Variants in PRCP observed in about 807,000 individuals in gnomAD.
PRCP encodes the protein prolylcarboxypeptidase.
A neutral mutation model predicts 54.2 loss-of-function variants in PRCP; 46 were observed. The observed-to-expected ratio is 0.85, with a 90% CI of 0.67 to 1.09. PRCP has a LOEUF of 1.09. PRCP is among the 50% of genes least tolerant of loss of function. The pLI, the probability that PRCP is intolerant of heterozygous loss-of-function variation, is 0.00. For synonymous variants in PRCP, 240 were observed against 212.2 expected, an observed-to-expected ratio of 1.13 and a Z score of -1.14; for missense variants, 613 against 596.8, an observed-to-expected ratio of 1.03 and a Z score of -0.28.
In PRCP at chr11:82,825,031, G is replaced by A. The variant is rs1284030158; in HGVS notation, c.1366C>T (p.His456Tyr). Residue 456 changes from histidine (H) to tyrosine (Y), a missense_variant, in exon 9 of 9, where the codon CAC becomes TAC. Physicochemically the swap from His to Tyr is moderately conservative, Grantham distance 83. Coordinates refer to ENST00000313010, the MANE Select transcript of PRCP (RefSeq NM_005040.4). ...VAVTISEGAHHLDLRTKNALD... is the reference protein window; with the variant it reads ...VAVTISEGAHYLDLRTKNALD... Reference sequence around the variant, plus strand: ...GCATTCTTGGTGCGGAGATCTAAGTGGTGGGCCCCCTCTGAGATGGTGACT... The same window carrying A: ...GCATTCTTGGTGCGGAGATCTAAGTAGTGGGCCCCCTCTGAGATGGTGACT... 6.2e-7 allele frequency: 1 copy of A among 1,614,108 alleles called. No homozygotes were observed.
At position 82,824,522 on chromosome 11, in the gene PRCP, T is replaced by G. The variant is rs529180280; in HGVS notation, c.*384A>C. On this transcript the variant is annotated 3_prime_UTR_variant, in exon 9 of 9. Transcript: ENST00000313010. ...TCTTCTGCTTTTACTTTGTGTAGGG[T>G]AGGGATGGGGACTTACAAATGGGCC... 3 of 215,700 alleles carry G rather than the reference T, an allele frequency of 1.4e-5. No homozygotes were observed. The Admixed American group carries it at 1.6e-4, about 11-fold the overall frequency. 13.4% of individuals were successfully genotyped at this position (215,700 alleles called of 1,614,324 possible).
intron 1 of PRCP, among the ~76,000 whole-genome samples, chr11:82,872,680 A>G (rs985312229): frequency 6.6e-6 from 1 of 152,180 alleles, no homozygotes; most frequent in Admixed American, 6.5e-5. Flanking sequence ...GGAGTCCCCA[A>G]GAAGTAACCA....
At chr11:82,895,751 C>G (rs1860105571) in intron 1 of PRCP, among the ~76,000 whole-genome samples, 4 of 152,148 alleles carry the variant, frequency 2.6e-5, no homozygotes, top group Non-Finnish European at 5.9e-5. Flanking sequence ...AGATCTTTAT[C>G]AACATGCCCT....
intron 1 of PRCP, among the ~76,000 whole-genome samples, chr11:82,897,420 C>T (rs1298191798): frequency 6.6e-6 from 1 of 152,158 alleles, no homozygotes; most frequent in Non-Finnish European, 1.5e-5. Flanking sequence ...TTTATAGGCT[C>T]TTCTAGGTAT....
chr11:82,835,191 C>A (rs1385880104), intron 8 of PRCP, among the ~76,000 whole-genome samples: 2 of 151,930 alleles, frequency 1.3e-5, no homozygotes, highest in Non-Finnish European at 2.9e-5. Context: ...CACATGTACC[C>A]CAGAATTTAA....
chr11:82,839,464 T>G, intron 6 of PRCP, 39 bp from the exon 7 acceptor site: 1 of 1,553,758 alleles, frequency 6.4e-7, no homozygotes, highest in Non-Finnish European at 8.8e-7. Flanking sequence ...AGAGTCAGAA[T>G]ATGAATATAA....
chr11:82,882,319 G>A (rs1365229775), intron 1 of PRCP, among the ~76,000 whole-genome samples: 1 of 152,150 alleles, frequency 6.6e-6, no homozygotes, highest in Non-Finnish European at 1.5e-5. Context: ...ATTCAGAGAA[G>A]TTTTAAAAAG....
At chr11:82,853,114 T>A in intron 3 of PRCP, 63 bp downstream of exon 3, 3 of 1,263,290 alleles carry the variant, frequency 2.4e-6, no homozygotes, top group South Asian at 2.9e-5. Context: ...GGGCATATAA[T>A]TTAGAAACTA....
intron 1 of PRCP, among the ~76,000 whole-genome samples, chr11:82,870,184 G>A (rs1859444629): frequency 6.6e-6 from 1 of 152,216 alleles, no homozygotes; most frequent in South Asian, 2.1e-4. Flanking sequence ...TCTGTAAAAT[G>A]TACAACATAG....
chr11:82,889,403 AAGGAGAAGGAGGAGGGATGGAGGAAGG>A (rs1859947538), intron 1 of PRCP, among the ~76,000 whole-genome samples: 4 of 151,638 alleles, frequency 2.6e-5, no homozygotes, highest in African/African-American at 9.7e-5. Flanking sequence ...GAAGAAGAAG[AAGGAGAAGGAGGAGGGATGGAGGAAGG>A]AGGGGGAGGA....
At chr11:82,827,577 A>G (rs1858268280) in intron 8 of PRCP, 1 of 152,220 alleles carries the variant, frequency 6.6e-6, no homozygotes, top group Admixed American at 6.5e-5. Context: ...CCATACATAT[A>G]AGGTTTGACT....
chr11:82,890,265 T>A (rs1423990200), intron 1 of PRCP, among the ~76,000 whole-genome samples: 1 of 152,186 alleles, frequency 6.6e-6, no homozygotes, highest in Non-Finnish European at 1.5e-5. Context: ...GCATTTCTGT[T>A]CTCTCCCTTT....
chr11:82,843,180 G>A (rs183651046), intron 6 of PRCP: 99 of 152,248 alleles, frequency 6.5e-4, no homozygotes, highest in Non-Finnish European at 1.2e-3. Context: ...GTGATGGCAC[G>A]TGCCTATAGT....
chr11:82,843,683 G>T (rs1158409167), intron 6 of PRCP, among the ~76,000 whole-genome samples: 2 of 152,114 alleles, frequency 1.3e-5, no homozygotes, highest in African/African-American at 4.8e-5. Flanking sequence ...TCTACATAAG[G>T]CGTGTCATTC....
intron 8 of PRCP, among the ~76,000 whole-genome samples, chr11:82,832,103 T>C (rs1858400499): frequency 6.6e-6 from 1 of 152,210 alleles, no homozygotes. Flanking sequence ...ACATTTTCTT[T>C]ATCTAGTCAA....
rs1181824183 is a variant in PRCP, at chr11:82,849,078, A to G, written c.892T>C (p.Leu298=). The G allele has an allele frequency of 1.9e-6, 3 of 1,613,966 alleles. No homozygotes were observed. In the Admixed American group the frequency reaches 5.0e-5, roughly 27 times the overall value. Residue 298 remains leucine (L), a synonymous_variant, in exon 6 of 9, where the codon TTA becomes CTA. Transcript: ENST00000313010. Reference sequence around the variant, plus strand: ...ATAGGCCAAGCAGGCAAAGGCTGTAAAAAGTTAGAGGCATAAGGATAGTCC... The same window carrying G: ...ATAGGCCAAGCAGGCAAAGGCTGTAGAAAGTTAGAGGCATAAGGATAGTCC... ...MVDYPYASNF[L]QPLPAWPIKV... is the part of the protein sequence containing the mutation.
intron 6 of PRCP, among the ~76,000 whole-genome samples, chr11:82,842,462 C>G (rs902985357): frequency 6.6e-6 from 1 of 152,018 alleles, no homozygotes; most frequent in Non-Finnish European, 1.5e-5. Context: ...CGAAGGGCAC[C>G]GACCAACATT....
At chr11:82,890,970 A>T (rs1186197432) in intron 1 of PRCP, among the ~76,000 whole-genome samples, 1 of 152,236 alleles carries the variant, frequency 6.6e-6, no homozygotes, top group Non-Finnish European at 1.5e-5. Context: ...TCTTTAAAAG[A>T]AAAGATCATC....
At chr11:82,894,249 T>G (rs143791528) in intron 1 of PRCP, among the ~76,000 whole-genome samples, 1 of 152,306 alleles carries the variant, frequency 6.6e-6, no homozygotes, top group East Asian at 1.9e-4. Flanking sequence ...TGTTTTATTA[T>G]ATTATAATAT....
Sources: gnomAD v4.1 joint callset for allele counts (sites outside exome capture counted in the v4.1 genomes callset) on GRCh38, gnomAD v4.1.1 for gene constraint, MANE v1.5 for transcripts, NCBI Gene and HGNC (gene_info 2026-07-23, HGNC 2026-07-21) for gene names.